Variants in FRMD4A observed in about 807,000 individuals in gnomAD.
The protein encoded by FRMD4A is FERM domain-containing protein 4A.
A neutral mutation model predicts 129.1 loss-of-function variants in FRMD4A; 29 were observed. The ratio of observed to expected loss-of-function variants is 0.22; its 90% CI spans 0.17 to 0.31. The LOEUF is 0.31. Among genes scored for constraint, FRMD4A ranks in the 10% least tolerant of loss-of-function variants. FRMD4A has a pLI of 1.00. For missense variants in FRMD4A, 1,272 were observed against 1,375.8 expected (o/e 0.92, Z 1.19); for synonymous variants, 634 against 571.6 (o/e 1.11, Z -1.56).
At chr10:13,809,810 C>G (rs1246964984) in intron 4 of FRMD4A, among the ~76,000 whole-genome samples, 2 of 152,210 alleles carry the variant, frequency 1.3e-5, no homozygotes, top group East Asian at 3.8e-4. Flanking sequence ...AACGACACCC[C>G]CTTTTGTTCA....
intron 2 of FRMD4A, among the ~76,000 whole-genome samples, chr10:14,237,944 T>A (rs1843888091): frequency 6.6e-6 from 1 of 152,200 alleles, no homozygotes; most frequent in African/African-American, 2.4e-5. Flanking sequence ...ATTTGCCTCC[T>A]ACTCCACTTG....
Position 13,657,164 on chromosome 10 carries a change from C to T in FRMD4A, c.2425G>A (p.Gly809Ser), listed in dbSNP as rs1163856830. The change falls in exon 22 of 25, where the codon GGT becomes AGT. Residue 809 changes from glycine (G) to serine (S), a missense_variant. Gly to Ser is a moderately conservative substitution (Grantham distance 56). Coordinates refer to ENST00000357447, the MANE Select transcript of FRMD4A (RefSeq NM_018027.5). ...GSMPNLAARG[G>S]AGGAGGAGGG... ...CCCGCGCCCCCCGCGCCCCCCGCAC[C>T]CCCGCGCGCCGCCAGGTTGGGCATG... is the stretch of plus-strand genomic sequence containing the variant. 6.7e-7 allele frequency: 1 copy of T among 1,488,402 alleles called. No homozygotes were observed. The highest frequency in any genetic ancestry group is 8.9e-7 in the Non-Finnish European group (1 of 1,124,926). 92.2% of individuals were successfully genotyped at this position (1,488,402 alleles called of 1,614,324 possible).
At chr10:14,001,854 G>A (rs779867669) in intron 2 of FRMD4A, among the ~76,000 whole-genome samples, 108 of 152,274 alleles carry the variant, frequency 7.1e-4, no homozygotes, top group Non-Finnish European at 9.9e-4. Context: ...GGCTGCCTGC[G>A]CTCAATGGTA....
At chr10:14,168,938 C>T (rs1432124542) in intron 2 of FRMD4A, among the ~76,000 whole-genome samples, 1 of 140,696 alleles carries the variant, frequency 7.1e-6, no homozygotes, top group Non-Finnish European at 1.5e-5. Context: ...CAACAGTCTT[C>T]CCGTAATTCA....
At chr10:13,802,872 T>C (rs945046135) in intron 4 of FRMD4A, among the ~76,000 whole-genome samples, 11 of 152,204 alleles carry the variant, frequency 7.2e-5, no homozygotes, top group Middle Eastern at 3.4e-3. Flanking sequence ...TGTCTTATAG[T>C]ATGTGTGTTC....
chr10:13,961,392 T>C (rs1375352185), intron 2 of FRMD4A, among the ~76,000 whole-genome samples: 1 of 152,096 alleles, frequency 6.6e-6, no homozygotes, highest in Non-Finnish European at 1.5e-5. Context: ...GGCCAGCTGG[T>C]TTTCAAAAGG....
At chr10:13,654,382 CTGACACAGTGAA>C in intron 23 of FRMD4A, 22 bp downstream of exon 23, 1 of 1,328,904 alleles carries the variant, frequency 7.5e-7, no homozygotes, top group Non-Finnish European at 1.1e-6. Context: ...CTCTTTCGAG[CTGACACAGTGAA>C]GAACATAGAA....
intron 17 of FRMD4A, among the ~76,000 whole-genome samples, chr10:13,669,267 G>A (rs2083319808): frequency 6.6e-6 from 1 of 152,208 alleles, no homozygotes; most frequent in East Asian, 1.9e-4. Context: ...TCACCATGCT[G>A]GCCAGGCTGG....
At chr10:13,966,948 A>G (rs1236138617) in intron 2 of FRMD4A, among the ~76,000 whole-genome samples, 1 of 152,236 alleles carries the variant, frequency 6.6e-6, no homozygotes, top group East Asian at 1.9e-4. Flanking sequence ...ATTGGAGACT[A>G]TTATTCTAAG....
chr10:13,717,314 T>A (rs1367019841), intron 12 of FRMD4A, among the ~76,000 whole-genome samples: 1 of 152,204 alleles, frequency 6.6e-6, no homozygotes, highest in East Asian at 1.9e-4. Flanking sequence ...TTATTTTTCT[T>A]AAAATTTTTT....
At position 13,795,825 on chromosome 10, in the gene FRMD4A, C is replaced by T. The variant is rs186175009; in HGVS notation, c.299+671G>A. ...GACCTGCCCAGCCTCTGGCTTCTCA[C>T]AACCTTTTGCAAACGGAAGTGGTAA... On this transcript the variant is annotated intron_variant, in intron 5 of 24. Transcript: ENST00000357447. 2.1e-3 allele frequency among the ~76,000 whole-genome samples: 316 copies of T among 152,296 alleles called. 1 individual carries two copies. Among genetic ancestry groups the T allele is most frequent in the African/African-American group, 7.3e-3 (303 of 41,556 alleles).
chr10:13,791,273 G>A (rs991616666), intron 5 of FRMD4A, among the ~76,000 whole-genome samples: 1 of 152,312 alleles, frequency 6.6e-6, no homozygotes, highest in East Asian at 1.9e-4. Context: ...ACCCTGAGCA[G>A]GCACCCCTGG....
At chr10:14,223,454 A>G (rs1843328247) in intron 2 of FRMD4A, among the ~76,000 whole-genome samples, 1 of 152,152 alleles carries the variant, frequency 6.6e-6, no homozygotes, top group Non-Finnish European at 1.5e-5. Context: ...AAAAGAGCCA[A>G]ATAGGGGCTG....
intron 2 of FRMD4A, among the ~76,000 whole-genome samples, chr10:14,250,567 C>G (rs1844403643): frequency 6.6e-6 from 1 of 152,196 alleles, no homozygotes; most frequent in African/African-American, 2.4e-5. Context: ...TCTTGTAGAA[C>G]CAACAAAGTG....
chr10:14,220,804 G>T (rs868264823), intron 2 of FRMD4A, among the ~76,000 whole-genome samples: 3 of 33,054 alleles, frequency 9.1e-5, no homozygotes, highest in South Asian at 1.8e-3. Flanking sequence ...GTGTGTGTGT[G>T]TGTGTGTTTG....
At chr10:13,996,002 T>C (rs2095621277) in intron 2 of FRMD4A, among the ~76,000 whole-genome samples, 1 of 152,030 alleles carries the variant, frequency 6.6e-6, no homozygotes, top group African/African-American at 2.4e-5. Flanking sequence ...ACAACAGAAG[T>C]TTATTGCTCA....
At position 13,644,575 on chromosome 10, in the gene FRMD4A, C is replaced by A. The variant is rs1212989524; in HGVS notation, c.*2463G>T. The A allele has an allele frequency of 6.6e-6, 1 of 152,202 alleles. No individual in the cohort carries two copies. The highest frequency in any genetic ancestry group is 2.4e-5 in the African/African-American group (1 of 41,446). 9.4% of individuals were successfully genotyped at this position (152,202 alleles called of 1,614,324 possible). A position where few individuals can be genotyped will look rare whatever the true frequency, so the allele number is the denominator to read the frequency against. On this transcript the variant is annotated 3_prime_UTR_variant, in exon 25 of 25. Transcript: ENST00000357447. The stretch of plus-strand genomic sequence containing the variant: ...CCAAATCTTTAGAATTTTTGCCTCT[C>A]ATTCCTTGCAACTCCAGTGGGCTAG...
chr10:14,048,218 G>A (rs7073959), intron 2 of FRMD4A, among the ~76,000 whole-genome samples: 6,731 of 152,224 alleles, frequency 0.044, 280 homozygotes, highest in African/African-American at 0.12. Flanking sequence ...GACAGGACCC[G>A]GAGTGGTCCC....
chr10:14,212,464 G>T (rs1842958328), intron 2 of FRMD4A, among the ~76,000 whole-genome samples: 1 of 152,020 alleles, frequency 6.6e-6, no homozygotes, highest in Non-Finnish European at 1.5e-5. Context: ...CCCCCTTAAT[G>T]GAAAAGCAGA....
Sources: allele counts gnomAD v4.1 joint callset (sites outside exome capture counted in the v4.1 genomes callset), GRCh38; gene constraint gnomAD v4.1.1; transcripts MANE v1.5; gene names NCBI Gene and HGNC (gene_info 2026-07-23, HGNC 2026-07-21).